MAGI2: variants seen among roughly 807,000 people sequenced by gnomAD.
MAGI2 encodes the protein membrane-associated guanylate kinase, WW and PDZ domain-containing protein 2.
A neutral mutation model predicts 133.3 loss-of-function variants in MAGI2; 35 were observed. The observed-to-expected ratio is 0.26, with a 90% CI of 0.20 to 0.35. The LOEUF (loss-of-function observed/expected upper bound fraction) is 0.35, where lower values mean the gene tolerates loss of function less well. Ranked by LOEUF, MAGI2 falls within the 10% of genes least tolerant of loss-of-function variation. MAGI2 has a pLI of 1.00. For missense variants in MAGI2, 1,636 were observed against 1,863.4 expected (o/e 0.88, Z 2.25); for synonymous variants, 729 against 710.6 (o/e 1.03, Z -0.41).
At chr7:79,365,906 T>C (rs1183088832) in intron 1 of MAGI2, among the ~76,000 whole-genome samples, 2 of 112,568 alleles carry the variant, frequency 1.8e-5, no homozygotes, top group Non-Finnish European at 3.6e-5. Flanking sequence ...AAAATAGTGA[T>C]AGATGTGTCA....
intron 6 of MAGI2, among the ~76,000 whole-genome samples, chr7:78,459,957 T>C (rs1034785031): frequency 1.3e-5 from 2 of 152,210 alleles, no homozygotes; most frequent in African/African-American, 4.8e-5. Context: ...GCTGAATTAC[T>C]TACCATGAAT....
chr7:78,745,767 A>G (rs1432887000), intron 2 of MAGI2, among the ~76,000 whole-genome samples: 1 of 152,176 alleles, frequency 6.6e-6, no homozygotes, highest in Non-Finnish European at 1.5e-5. Context: ...TATTTCAAGA[A>G]GTGAATACAA....
intron 2 of MAGI2, among the ~76,000 whole-genome samples, chr7:78,855,449 C>G (rs949947252): frequency 6.6e-6 from 1 of 152,160 alleles, no homozygotes; most frequent in African/African-American, 2.4e-5. Context: ...GTTCCCCACC[C>G]TGTATCCAAG....
At chr7:78,263,011 AT>A (rs757730253) in intron 9 of MAGI2, among the ~76,000 whole-genome samples, 1 of 152,022 alleles carries the variant, frequency 6.6e-6, no homozygotes, top group Non-Finnish European at 1.5e-5. Flanking sequence ...CCCAGTGTCT[AT>A]CGTTGCCATC....
intron 1 of MAGI2, among the ~76,000 whole-genome samples, chr7:79,118,809 G>T (rs2129544462): frequency 6.6e-6 from 1 of 152,122 alleles, no homozygotes; most frequent in East Asian, 1.9e-4. Context: ...AGCAGCTTCT[G>T]AATTGGCTTC....
chr7:78,768,835 C>T (rs1169002124), intron 2 of MAGI2, among the ~76,000 whole-genome samples: 2 of 152,104 alleles, frequency 1.3e-5, no homozygotes, highest in Non-Finnish European at 2.9e-5. Flanking sequence ...GTGGATAGTG[C>T]CTCAACACTG....
chr7:78,705,178 C>A (rs940384857), intron 2 of MAGI2, among the ~76,000 whole-genome samples: 2 of 151,984 alleles, frequency 1.3e-5, no homozygotes, highest in Non-Finnish European at 2.9e-5. Flanking sequence ...ATGGAGGGAC[C>A]TGATGGGAGA....
At chr7:78,149,734 T>C (rs1823683199) in intron 16 of MAGI2, among the ~76,000 whole-genome samples, 1 of 152,188 alleles carries the variant, frequency 6.6e-6, no homozygotes. Flanking sequence ...TCATGATGAA[T>C]CCGTAAGTAT....
chr7:78,295,521 A>G (rs1024142234), intron 9 of MAGI2, among the ~76,000 whole-genome samples: 1 of 152,158 alleles, frequency 6.6e-6, no homozygotes, highest in African/African-American at 2.4e-5. Context: ...CATCGCACAT[A>G]TATGATCACT....
intron 2 of MAGI2, among the ~76,000 whole-genome samples, chr7:78,676,858 C>T (rs1367132119): frequency 1.3e-5 from 2 of 151,956 alleles, no homozygotes; most frequent in African/African-American, 2.4e-5. Context: ...TTAATAGCTG[C>T]TTTCTTGCCA....
chr7:78,792,412 G>A (rs1787238901), intron 2 of MAGI2, among the ~76,000 whole-genome samples: 1 of 152,168 alleles, frequency 6.6e-6, no homozygotes, highest in Admixed American at 6.5e-5. Context: ...TAGCAAGTGA[G>A]CTATACTACA....
chr7:78,060,625 C>T (rs548605291), intron 21 of MAGI2, among the ~76,000 whole-genome samples: 51 of 152,258 alleles, frequency 3.3e-4, no homozygotes, highest in South Asian at 8.3e-4. Context: ...TTCTGATTGC[C>T]GGACTTGGGA....
intron 21 of MAGI2, among the ~76,000 whole-genome samples, chr7:78,051,299 AAC>A (rs1390206266): frequency 2.0e-5 from 3 of 152,188 alleles, no homozygotes; most frequent in African/African-American, 7.2e-5. Context: ...GATTTTTTTA[AAC>A]TGTCAAGAAA....
At chr7:79,134,330 A>C (rs1481983976) in intron 1 of MAGI2, among the ~76,000 whole-genome samples, 1 of 152,192 alleles carries the variant, frequency 6.6e-6, no homozygotes, top group Non-Finnish European at 1.5e-5. Context: ...ATTTCTCATC[A>C]AACCCTCTTT....
intron 2 of MAGI2, among the ~76,000 whole-genome samples, chr7:78,643,637 A>G (rs1810532309): frequency 6.6e-6 from 1 of 152,192 alleles, no homozygotes; most frequent in Non-Finnish European, 1.5e-5. Flanking sequence ...AATGATAAAT[A>G]TAAAATATAT....
chr7:78,173,840 A>G (rs1284785620), intron 14 of MAGI2, among the ~76,000 whole-genome samples: 1 of 152,184 alleles, frequency 6.6e-6, no homozygotes, highest in East Asian at 1.9e-4. Flanking sequence ...GGCTCAGTCT[A>G]AAAGGGGCCA....
chr7:79,353,650 A>G, intron 1 of MAGI2: 1 of 367,054 alleles, frequency 2.7e-6, no homozygotes, highest in South Asian at 2.0e-5. Context: ...ATTGGGGGTG[A>G]GCACGGGCAT....
At chr7:78,351,322 C>A (rs188682066) in intron 7 of MAGI2, among the ~76,000 whole-genome samples, 55 of 152,164 alleles carry the variant, frequency 3.6e-4, no homozygotes, top group African/African-American at 1.1e-3. Flanking sequence ...GCCTGGGCAA[C>A]ACGGCAAAAT....
intron 1 of MAGI2, among the ~76,000 whole-genome samples, chr7:79,327,500 A>T (rs1839781255): frequency 6.6e-6 from 1 of 152,142 alleles, no homozygotes; most frequent in African/African-American, 2.4e-5. Flanking sequence ...AACAAGGTCT[A>T]ACCTGTTTAG....
Sources: allele counts gnomAD v4.1 joint callset (sites outside exome capture counted in the v4.1 genomes callset), GRCh38; gene constraint gnomAD v4.1.1; transcripts MANE v1.5; gene names NCBI Gene and HGNC (gene_info 2026-07-23, HGNC 2026-07-21).